Variants in ATP6V1H observed in about 807,000 individuals in gnomAD.
ATP6V1H encodes ATPase H+ transporting V1 subunit H.
A neutral mutation model predicts 71.7 loss-of-function variants in ATP6V1H; 39 were observed. The observed-to-expected ratio is 0.54, with a 90% confidence interval of 0.42 to 0.71. The LOEUF is 0.71. Among genes scored for constraint, ATP6V1H ranks in the 30% least tolerant of loss-of-function variants. The pLI is 0.00. For synonymous variants in ATP6V1H, 192 were observed against 199.3 expected, an observed-to-expected ratio of 0.96 and a Z score of 0.31; for missense variants, 509 against 594.9, an observed-to-expected ratio of 0.86 and a Z score of 1.50.
chr8:53,828,461 G>A (rs762268724), intron 4 of ATP6V1H, among the ~76,000 whole-genome samples: 6 of 152,152 alleles, frequency 3.9e-5, no homozygotes, highest in Non-Finnish European at 7.3e-5. Context: ...TCCGCATGCC[G>A]ACTCACAGCT....
chr8:53,717,534 G>C (rs185430148), intron 13 of ATP6V1H, among the ~76,000 whole-genome samples: 189 of 152,270 alleles, frequency 1.2e-3, no homozygotes, highest in African/African-American at 4.3e-3. Flanking sequence ...TGTGCTACCA[G>C]GAACTACGCT....
At chr8:53,838,713 T>C (rs1035553339) in intron 2 of ATP6V1H, among the ~76,000 whole-genome samples, 4 of 152,220 alleles carry the variant, frequency 2.6e-5, no homozygotes, top group Non-Finnish European at 4.4e-5. Flanking sequence ...TTCATTTATG[T>C]ATGTCTATTT....
intron 10 of ATP6V1H, among the ~76,000 whole-genome samples, chr8:53,770,344 C>T (rs1417022969): frequency 1.3e-5 from 2 of 152,056 alleles, no homozygotes; most frequent in East Asian, 1.9e-4. Context: ...ATTTAAAAAC[C>T]ATTCACTGGA....
At chr8:53,778,482 C>G (rs1050864907) in intron 9 of ATP6V1H, among the ~76,000 whole-genome samples, 1 of 152,126 alleles carries the variant, frequency 6.6e-6, no homozygotes, top group Non-Finnish European at 1.5e-5. Context: ...CACTTCATCC[C>G]CTCCTACCCT....
In ATP6V1H at chr8:53,772,000, G is replaced by A. The variant is rs774634045; in HGVS notation, c.1038C>T (p.Val346=). The change falls in exon 10 of 14, where the codon GTC becomes GTT. Residue 346 remains valine, a synonymous_variant. Coordinates refer to ENST00000359530, the MANE Select transcript of ATP6V1H (RefSeq NM_015941.4). The part of the protein sequence containing the change: ...KFLLEKLGES[V]QDLSSFDEYS... Reference sequence around the variant, plus strand: ...AAAGAATAACACACCTAAGGTCCTGGACACTCTCTCCAAGTTTTTCCAAAA... The same window carrying A: ...AAAGAATAACACACCTAAGGTCCTGAACACTCTCTCCAAGTTTTTCCAAAA... 6.2e-7 allele frequency: 1 copy of A among 1,613,666 alleles called. No homozygotes were observed. Among genetic ancestry groups the A allele is most frequent in the Non-Finnish European group, 8.5e-7 (1 of 1,179,692 alleles).
rs1808071232 is a variant in ATP6V1H at position 53,756,538 on chromosome 8, G to A, written c.1277+17C>T. The A allele has an allele frequency of 1.3e-6, 2 of 1,598,746 alleles. No homozygotes were observed. Among genetic ancestry groups the A allele is most frequent in the Non-Finnish European group, 1.7e-6 (2 of 1,167,338 alleles). ...AAGGTTTCAAGAAACCAAATGAAATGAATGGCTTTCTCTTACCGTTTGCCT... is the reference window on the plus strand; with the variant it reads ...AAGGTTTCAAGAAACCAAATGAAATAAATGGCTTTCTCTTACCGTTTGCCT... On this transcript the variant is annotated intron_variant, in intron 12 of 13. Coordinates refer to ENST00000359530, the MANE Select transcript of ATP6V1H (RefSeq NM_015941.4).
chr8:53,805,377 G>C (rs1325897350), intron 7 of ATP6V1H, among the ~76,000 whole-genome samples: 4 of 152,154 alleles, frequency 2.6e-5, no homozygotes, highest in African/African-American at 9.7e-5. Flanking sequence ...ATGAAAAGAT[G>C]CTGATCAAAG....
intron 12 of ATP6V1H, among the ~76,000 whole-genome samples, chr8:53,749,120 T>C (rs753112508): frequency 2.0e-5 from 3 of 152,340 alleles, no homozygotes; most frequent in Admixed American, 6.5e-5. Context: ...CTTCATCACA[T>C]TATCACTGTA....
At chr8:53,784,093 T>TG (rs1554562233) in intron 9 of ATP6V1H, among the ~76,000 whole-genome samples, 1 of 152,190 alleles carries the variant, frequency 6.6e-6, no homozygotes, top group Non-Finnish European at 1.5e-5. Flanking sequence ...TTCCTGGATA[T>TG]CTTGTTAACT....
intron 12 of ATP6V1H, among the ~76,000 whole-genome samples, chr8:53,755,682 G>A (rs1333745296): frequency 5.6e-5 from 3 of 53,112 alleles, no homozygotes; most frequent in African/African-American, 2.1e-4. Flanking sequence ...TTATACCAGC[G>A]TACATATATA....
chr8:53,837,238 G>C (rs1811187069), intron 2 of ATP6V1H, among the ~76,000 whole-genome samples: 1 of 151,994 alleles, frequency 6.6e-6, no homozygotes, highest in African/African-American at 2.4e-5. Context: ...TACCAAGCAT[G>C]TTACTTCCTT....
intron 13 of ATP6V1H, among the ~76,000 whole-genome samples, chr8:53,722,675 T>A (rs188064385): frequency 1.7e-3 from 257 of 152,174 alleles, no homozygotes; most frequent in Middle Eastern, 6.8e-3. Flanking sequence ...GATTGTTGAA[T>A]AAACGGTAGT....
In ATP6V1H at chr8:53,825,874, A is replaced by T. The variant is rs1456788108; in HGVS notation, c.306+3570T>A. Among the ~76,000 whole-genome samples, 3 of 151,854 alleles carry T rather than the reference A, an allele frequency of 2.0e-5. 1 individual carries two copies. Among genetic ancestry groups the T allele is most frequent in the East Asian group, 1.9e-4 (1 of 5,184 alleles). On this transcript the variant is annotated intron_variant, in intron 4 of 13. Coordinates refer to ENST00000359530, the MANE Select transcript of ATP6V1H (RefSeq NM_015941.4). The stretch of plus-strand genomic sequence containing the variant: ...CTTTCTATTACTCAAAATCTAGATT[A>T]AAAAAATTTTTTTTTATAAATTAGA...
chr8:53,828,208 T>A (rs1810884544), intron 4 of ATP6V1H, among the ~76,000 whole-genome samples: 1 of 152,174 alleles, frequency 6.6e-6, no homozygotes, highest in Non-Finnish European at 1.5e-5. Context: ...GATAATTGAG[T>A]TGTATGGGTC....
At chr8:53,729,603 G>C (rs1361034637) in intron 13 of ATP6V1H, among the ~76,000 whole-genome samples, 4 of 152,192 alleles carry the variant, frequency 2.6e-5, no homozygotes, top group African/African-American at 9.7e-5. Context: ...CCCTGCTGTG[G>C]GGAGGAAGGG....
At chr8:53,830,713 T>TA (rs1810979102) in intron 3 of ATP6V1H, among the ~76,000 whole-genome samples, 2 of 152,130 alleles carry the variant, frequency 1.3e-5, no homozygotes, top group South Asian at 4.1e-4. Context: ...TTTGCACACT[T>TA]ACTAAGAAAC....
intron 9 of ATP6V1H, among the ~76,000 whole-genome samples, chr8:53,773,346 GA>G (rs1228884389): frequency 1.3e-5 from 2 of 152,100 alleles, no homozygotes; most frequent in Admixed American, 1.3e-4. Context: ...ACTCAGGTAC[GA>G]TGGATTTAAG....
intron 6 of ATP6V1H, among the ~76,000 whole-genome samples, chr8:53,812,793 C>T (rs563671879): frequency 3.9e-5 from 6 of 152,304 alleles, no homozygotes; most frequent in African/African-American, 1.4e-4. Context: ...TCCTCAGGCT[C>T]AGGTGATCCT....
chr8:53,743,758 G>A (rs889669462), intron 12 of ATP6V1H, 68 bp from the exon 13 acceptor site: 5 of 1,059,892 alleles, frequency 4.7e-6, no homozygotes, highest in South Asian at 4.3e-5. Context: ...TAAGCAGGCA[G>A]CTCAAATACC....
Sources: gnomAD v4.1 joint callset for allele counts (sites outside exome capture counted in the v4.1 genomes callset) on GRCh38, gnomAD v4.1.1 for gene constraint, MANE v1.5 for transcripts, NCBI Gene and HGNC (gene_info 2026-07-23, HGNC 2026-07-21) for gene names.